RBFOX1: variants seen among roughly 807,000 people sequenced by gnomAD.
The protein encoded by RBFOX1 is RNA binding protein fox-1 homolog 1.
Under a neutral mutation model 57.7 loss-of-function variants are expected in RBFOX1, and 8 were observed. The observed-to-expected ratio is 0.14, with a 90% confidence interval of 0.08 to 0.25. The LOEUF (loss-of-function observed/expected upper bound fraction) is 0.25, where lower values mean the gene tolerates loss of function less well. Among genes scored for constraint, RBFOX1 ranks in the 10% least tolerant of loss-of-function variants. The pLI, the probability that RBFOX1 is intolerant of heterozygous loss-of-function variation, is 1.00. For synonymous variants in RBFOX1, 326 were observed against 222.4 expected, an observed-to-expected ratio of 1.47 and a Z score of -4.15; for missense variants, 611 against 548.5, an observed-to-expected ratio of 1.11 and a Z score of -1.14.
chr16:6,529,258 A>G (rs550478232), intron 2 of RBFOX1, among the ~76,000 whole-genome samples: 47 of 152,226 alleles, frequency 3.1e-4, no homozygotes, highest in African/African-American at 1.0e-3. Flanking sequence ...AAGTTCTACT[A>G]TGCATAAAAA....
intron 4 of RBFOX1, among the ~76,000 whole-genome samples, chr16:5,883,933 A>G (rs2057831128): frequency 6.6e-6 from 1 of 152,200 alleles, no homozygotes; most frequent in Non-Finnish European, 1.5e-5. Flanking sequence ...GATTGGAAGA[A>G]ATGAGGATAG....
chr16:6,137,950 T>C (rs1181937741), intron 1 of RBFOX1, among the ~76,000 whole-genome samples: 2 of 152,102 alleles, frequency 1.3e-5, no homozygotes, highest in Non-Finnish European at 2.9e-5. Context: ...CTCCATTTTA[T>C]ATGCAACTAA....
At chr16:6,112,613 C>T (rs2096458444) in intron 1 of RBFOX1, among the ~76,000 whole-genome samples, 1 of 152,158 alleles carries the variant, frequency 6.6e-6, no homozygotes, top group African/African-American at 2.4e-5. Flanking sequence ...ATCGTTTGAA[C>T]CCAGGAGCCG....
intron 3 of RBFOX1, among the ~76,000 whole-genome samples, chr16:6,867,095 C>T (rs927164740): frequency 1.3e-5 from 2 of 151,490 alleles, no homozygotes; most frequent in South Asian, 4.2e-4. Context: ...CCAGCAAGAA[C>T]ACTTCCAGTG....
chr16:7,488,717 T>C (rs909368466), intron 4 of RBFOX1, among the ~76,000 whole-genome samples: 4 of 152,224 alleles, frequency 2.6e-5, no homozygotes, highest in Non-Finnish European at 5.9e-5. Context: ...TATCTAGCTA[T>C]ACATTCATCT....
intron 2 of RBFOX1, among the ~76,000 whole-genome samples, chr16:6,398,423 C>G (rs1390076921): frequency 2.0e-5 from 3 of 152,122 alleles, no homozygotes; most frequent in African/African-American, 7.2e-5. Flanking sequence ...AAAGTCTCAT[C>G]TGAGACAAAG....
rs74010595 is a variant in RBFOX1 at position 7,543,352 on chromosome 16, C to A, written c.270+24963C>A. Among the ~76,000 whole-genome samples, 214 of 152,298 alleles carry A rather than the reference C, an allele frequency of 1.4e-3. 1 individual carries two copies. The highest frequency in any genetic ancestry group is 5.1e-3 in the African/African-American group (211 of 41,564). On this transcript the variant is annotated intron_variant, in intron 5 of 15. Transcript: ENST00000550418. ...TCAGATTCTGGGAGATATTTGAGAT[C>A]TGATAGAAATTACAAGACTTTTTTA...
At chr16:6,714,193 T>G (rs2064305690) in intron 3 of RBFOX1, among the ~76,000 whole-genome samples, 1 of 152,180 alleles carries the variant, frequency 6.6e-6, no homozygotes, top group Non-Finnish European at 1.5e-5. Flanking sequence ...TGCCTCAACT[T>G]CTGCCAAGAT....
chr16:5,280,718 A>T (rs1463958094), intron 1 of RBFOX1, among the ~76,000 whole-genome samples: 1 of 151,898 alleles, frequency 6.6e-6, no homozygotes, highest in Non-Finnish European at 1.5e-5. Context: ...ATTTGTTAGC[A>T]TATGGTTGTT....
chr16:5,911,586 C>CG (rs1484089599), intron 4 of RBFOX1, among the ~76,000 whole-genome samples: 2 of 152,172 alleles, frequency 1.3e-5, no homozygotes, highest in Non-Finnish European at 2.9e-5. Context: ...TAGCTTCTGA[C>CG]GGGGGGTGCG....
chr16:5,989,941 A>C lies in RBFOX1; in HGVS notation c.351+122606A>C, dbSNP rs182713106. ...TTGGTCTGAGGCTAAATCCAGAGGA[A>C]GCCAGTGAGATTTTGTGTTTCCTTC... On this transcript the variant is annotated intron_variant, in intron 4 of 19. Transcript: ENST00000641259. 5.4e-3 allele frequency among the ~76,000 whole-genome samples: 817 copies of C among 151,538 alleles called. 2 individuals carry two copies. Among genetic ancestry groups the C allele is most frequent in the Non-Finnish European group, 7.9e-3 (535 of 67,902 alleles).
intron 1 of RBFOX1, among the ~76,000 whole-genome samples, chr16:6,127,465 A>G (rs2096598259): frequency 6.6e-6 from 1 of 152,136 alleles, no homozygotes; most frequent in Non-Finnish European, 1.5e-5. Flanking sequence ...GGGATTTGAA[A>G]GATGTGAAGT....
Position 5,699,829 on chromosome 16 carries a change from T to G in RBFOX1, c.318+100868T>G, listed in dbSNP as rs571438531. ...CAGACATTATCTTTGTGTTCTGGTT[T>G]TATTATTTATTTATTTATTTTTAAG... is the stretch of plus-strand genomic sequence containing the variant. On this transcript the variant is annotated intron_variant, in intron 3 of 19. Coordinates refer to the RBFOX1 transcript ENST00000641259. Among the ~76,000 whole-genome samples, 10 of 152,194 alleles carry G rather than the reference T, an allele frequency of 6.6e-5. No individual in the cohort carries two copies. The East Asian group carries it at 1.9e-3, about 29-fold the overall frequency.
intron 3 of RBFOX1, among the ~76,000 whole-genome samples, chr16:6,656,722 A>T (rs1444670658): frequency 6.6e-6 from 1 of 151,766 alleles, no homozygotes; most frequent in African/African-American, 2.4e-5. Flanking sequence ...TCTAAACTTG[A>T]CCTCATATGA....
intron 2 of RBFOX1, among the ~76,000 whole-genome samples, chr16:6,533,729 G>C (rs893181179): frequency 3.3e-5 from 5 of 152,086 alleles, no homozygotes; most frequent in African/African-American, 1.2e-4. Flanking sequence ...CAAATTAACT[G>C]AAGATAGGTT....
At chr16:5,907,148 T>A (rs559492376) in intron 4 of RBFOX1, among the ~76,000 whole-genome samples, 1 of 152,288 alleles carries the variant, frequency 6.6e-6, no homozygotes, top group East Asian at 1.9e-4. Context: ...CCTTAAAATT[T>A]GGAAACTTTG....
intron 3 of RBFOX1, among the ~76,000 whole-genome samples, chr16:5,706,217 CTT>C (rs1197710896): frequency 6.6e-6 from 1 of 152,230 alleles, no homozygotes; most frequent in East Asian, 1.9e-4. Flanking sequence ...GGCCATGTTG[CTT>C]TTTTTCCTAT....
chr16:5,427,225 G>C (rs918463407), intron 1 of RBFOX1, among the ~76,000 whole-genome samples: 11 of 152,214 alleles, frequency 7.2e-5, no homozygotes, highest in Admixed American at 2.6e-4. Context: ...ATGTGTACCT[G>C]TGTACATCAA....
chr16:7,206,905 T>G (rs573095966), intron 4 of RBFOX1, among the ~76,000 whole-genome samples: 10 of 152,296 alleles, frequency 6.6e-5, no homozygotes, highest in Admixed American at 1.3e-4. Flanking sequence ...AACAGTAGTT[T>G]ATTGCTTCTT....
Sources: gnomAD v4.1 joint callset for allele counts (sites outside exome capture counted in the v4.1 genomes callset) on GRCh38, gnomAD v4.1.1 for gene constraint, MANE v1.5 for transcripts, NCBI Gene and HGNC (gene_info 2026-07-23, HGNC 2026-07-21) for gene names.